The following CALN1 variants were observed in gnomAD, a reference collection of about 807,000 sequenced individuals.
CALN1 encodes the protein calcium-binding protein 8.
In CALN1, 17 loss-of-function variants were observed where a neutral mutation model predicts 30.6. That is an observed-to-expected ratio of 0.56 (90% confidence interval 0.38 to 0.83). CALN1 has a LOEUF of 0.83. Among genes scored for constraint, CALN1 ranks in the 40% least tolerant of loss-of-function variants. CALN1 has a pLI of 0.00. For synonymous variants in CALN1, 156 were observed against 131.4 expected (o/e 1.19, Z -1.28); for missense variants, 291 against 354.9 (o/e 0.82, Z 1.45).
At chr7:72,049,786 G>T (rs1802715575) in intron 4 of CALN1, among the ~76,000 whole-genome samples, 1 of 150,348 alleles carries the variant, frequency 6.7e-6, no homozygotes, top group Non-Finnish European at 1.5e-5. Flanking sequence ...GGGATTACAG[G>T]TGTGAGCACC....
At chr7:72,179,273 A>T (rs1367785542) in intron 3 of CALN1, among the ~76,000 whole-genome samples, 1 of 152,232 alleles carries the variant, frequency 6.6e-6, no homozygotes, top group African/African-American at 2.4e-5. Context: ...GGTAATTAAC[A>T]TCATTTGCAT....
chr7:72,487,849 A>G, the CALN1 span, among the ~76,000 whole-genome samples: 1 of 75,124 alleles, frequency 1.3e-5, no homozygotes, highest in Non-Finnish European at 2.4e-5. Context: ...AGAAAGAAAA[A>G]GAAAGAGAAA....
At chr7:72,262,286 A>G (rs1381842208) in intron 3 of CALN1, among the ~76,000 whole-genome samples, 1 of 152,218 alleles carries the variant, frequency 6.6e-6, no homozygotes, top group East Asian at 1.9e-4. Context: ...AGGCCTGCAT[A>G]TGCAGCCATC....
At chr7:72,440,814 G>A (rs1033002874) in intron 1 of CALN1, among the ~76,000 whole-genome samples, 11 of 152,162 alleles carry the variant, frequency 7.2e-5, no homozygotes, top group Admixed American at 1.3e-4. Flanking sequence ...GCAACAGAGC[G>A]AGACTCTGTC....
chr7:72,158,996 G>A (rs1366860059), intron 3 of CALN1, among the ~76,000 whole-genome samples: 1 of 152,052 alleles, frequency 6.6e-6, no homozygotes, highest in East Asian at 1.9e-4. Flanking sequence ...GGGATTACAG[G>A]CATAAGCCAC....
intron 3 of CALN1, among the ~76,000 whole-genome samples, chr7:72,256,541 G>T (rs1795926396): frequency 6.6e-6 from 1 of 152,108 alleles, no homozygotes; most frequent in African/African-American, 2.4e-5. Flanking sequence ...TCACAGATAA[G>T]ACTTGGTTTT....
intron 5 of CALN1, among the ~76,000 whole-genome samples, chr7:72,021,613 T>A (rs1800713099): frequency 2.0e-5 from 3 of 152,116 alleles, no homozygotes; most frequent in Non-Finnish European, 4.4e-5. Flanking sequence ...GATGGCGTTT[T>A]CCTGTCAGCA....
At chr7:72,489,734 G>T in the CALN1 span, among the ~76,000 whole-genome samples, 1 of 152,210 alleles carries the variant, frequency 6.6e-6, no homozygotes, top group Non-Finnish European at 1.5e-5. Context: ...TGGAGGGGGT[G>T]GGTCCCATGG....
the CALN1 span, among the ~76,000 whole-genome samples, chr7:72,467,826 C>T: frequency 6.6e-6 from 1 of 152,176 alleles, no homozygotes; most frequent in Non-Finnish European, 1.5e-5. Context: ...GGTTGCAAAA[C>T]ATTGCATCGC....
At chr7:72,064,930 G>A (rs979691910) in intron 4 of CALN1, among the ~76,000 whole-genome samples, 2 of 151,704 alleles carry the variant, frequency 1.3e-5, no homozygotes, top group African/African-American at 4.8e-5. Flanking sequence ...GTTATTATGT[G>A]GCTCTAGGAC....
chr7:72,282,132 A>C (rs1404469630), intron 2 of CALN1, among the ~76,000 whole-genome samples: 2 of 152,156 alleles, frequency 1.3e-5, no homozygotes, highest in Non-Finnish European at 2.9e-5. Context: ...TTAAGGACTA[A>C]ATTTCACTCC....
chr7:72,430,732 G>C (rs1003258032), intron 1 of CALN1, among the ~76,000 whole-genome samples: 1 of 152,078 alleles, frequency 6.6e-6, no homozygotes, highest in Non-Finnish European at 1.5e-5. Flanking sequence ...CTGTACCTGC[G>C]CTCTGCATGG....
At chr7:71,834,089 G>A (rs1185222998) in intron 5 of CALN1, among the ~76,000 whole-genome samples, 1 of 151,528 alleles carries the variant, frequency 6.6e-6, no homozygotes, top group Non-Finnish European at 1.5e-5. Context: ...GGGCATGGTA[G>A]TGCGTGCCTA....
intron 3 of CALN1, among the ~76,000 whole-genome samples, chr7:72,196,119 CTTTTT>C (rs879574482): frequency 1.4e-5 from 2 of 143,400 alleles, no homozygotes; most frequent in Admixed American, 1.4e-4. Flanking sequence ...TTTTTCTTTT[CTTTTT>C]TTTTTTTAGA....
chr7:72,485,610 G>A, the CALN1 span, among the ~76,000 whole-genome samples: 19 of 152,222 alleles, frequency 1.2e-4, 1 homozygote, highest in Admixed American at 5.2e-4. Context: ...GGTGGCTCAC[G>A]CCTGTAATCC....
At chr7:72,398,076 T>C (rs1806098263) in intron 2 of CALN1, among the ~76,000 whole-genome samples, 1 of 152,086 alleles carries the variant, frequency 6.6e-6, no homozygotes, top group African/African-American at 2.4e-5. Context: ...ATGGAAGCCC[T>C]TGGACACCTG....
intron 4 of CALN1, among the ~76,000 whole-genome samples, chr7:72,054,726 C>T (rs943334779): frequency 2.6e-5 from 4 of 151,368 alleles, no homozygotes; most frequent in African/African-American, 4.9e-5. Flanking sequence ...CACATGGATG[C>T]GAAGAGGGGA....
chr7:72,163,143 T>C (rs899849375), intron 3 of CALN1, among the ~76,000 whole-genome samples: 6 of 152,102 alleles, frequency 3.9e-5, no homozygotes, highest in African/African-American at 1.4e-4. Context: ...GAATTTCAAT[T>C]GAAACTAGAA....
At chr7:71,830,258 G>C (rs1258526961) in intron 5 of CALN1, among the ~76,000 whole-genome samples, 1 of 152,006 alleles carries the variant, frequency 6.6e-6, no homozygotes, top group Admixed American at 6.6e-5. Context: ...GGTCAGGCTG[G>C]TCTCCAACTC....
Sources: gnomAD v4.1 joint callset for allele counts (sites outside exome capture counted in the v4.1 genomes callset) on GRCh38, gnomAD v4.1.1 for gene constraint, MANE v1.5 for transcripts, NCBI Gene and HGNC (gene_info 2026-07-23, HGNC 2026-07-21) for gene names.